Variants in DOCK4 observed in about 807,000 individuals in gnomAD.
DOCK4 encodes dedicator of cytokinesis 4, also known as dedicator of cytokinesis protein 4.
DOCK4 carries 97 observed loss-of-function variants against 268.1 expected under a neutral mutation model. The ratio of observed to expected loss-of-function variants is 0.36; its 90% CI spans 0.31 to 0.43. DOCK4 has a LOEUF of 0.43. DOCK4 is among the 20% of genes least tolerant of loss of function. The pLI is 1.00. For synonymous variants in DOCK4, 954 were observed against 887.2 expected, an observed-to-expected ratio of 1.08 and a Z score of -1.34; for missense variants, 2,145 against 2,455.7, an observed-to-expected ratio of 0.87 and a Z score of 2.67.
intron 12 of DOCK4, among the ~76,000 whole-genome samples, chr7:111,932,632 T>C (rs1257065701): frequency 6.6e-6 from 1 of 152,150 alleles, no homozygotes; most frequent in Non-Finnish European, 1.5e-5. Flanking sequence ...AAAAATTTAA[T>C]AGCATACATT....
chr7:111,913,441 G>T (rs1265512629), intron 13 of DOCK4, among the ~76,000 whole-genome samples: 3 of 138,768 alleles, frequency 2.2e-5, no homozygotes, highest in East Asian at 4.3e-4. Flanking sequence ...ACAGAGTCTC[G>T]CTCTGTCGCC....
chr7:111,799,646 A>G (rs949781350), intron 30 of DOCK4, among the ~76,000 whole-genome samples: 1 of 152,240 alleles, frequency 6.6e-6, no homozygotes, highest in East Asian at 1.9e-4. Context: ...ATCTTAAGCT[A>G]AAACTCATAA....
chr7:111,731,811 A>G (rs914849761), intron 52 of DOCK4, among the ~76,000 whole-genome samples: 2 of 152,164 alleles, frequency 1.3e-5, no homozygotes, highest in African/African-American at 4.8e-5. Flanking sequence ...TAAAGGCAAA[A>G]AGACACAGAA....
chr7:111,937,527 T>C (rs1464549648), intron 11 of DOCK4, among the ~76,000 whole-genome samples: 1 of 152,222 alleles, frequency 6.6e-6, no homozygotes, highest in African/African-American at 2.4e-5. Context: ...TAGGTCTTAT[T>C]CCGCTGGCTG....
At position 111,732,207 on chromosome 7, in the gene DOCK4, T is replaced by A. The variant is rs370184223; in HGVS notation, c.5481+19A>T. On this transcript the variant is annotated intron_variant, in intron 52 of 52. Transcript: ENST00000428084. ...AAACTGGGCCAGTCTCTAGCCTCAGTCGAAAGAAGGGCCTTTACCTTCAAT... is the reference window on the plus strand; with the variant it reads ...AAACTGGGCCAGTCTCTAGCCTCAGACGAAAGAAGGGCCTTTACCTTCAAT... 6 of 1,613,248 alleles carry A rather than the reference T, an allele frequency of 3.7e-6. No homozygotes were observed. In the African/African-American group the frequency reaches 6.7e-5, roughly 18 times the overall value.
At position 111,893,397 on chromosome 7, in the gene DOCK4, C is replaced by T. The variant is rs533564731; in HGVS notation, c.1587+2215G>A. 3.3e-5 allele frequency among the ~76,000 whole-genome samples: 5 copies of T among 152,286 alleles called. No individual in the cohort carries two copies. In the South Asian group the frequency reaches 1.0e-3, roughly 32 times the overall value. On this transcript the variant is annotated intron_variant, in intron 16 of 52. Transcript: ENST00000428084. ...CCCTCAGACCCATAGGTGACAGGGT[C>T]CAGATGGGATATACTATGTAGAAGT...
intron 1 of DOCK4, among the ~76,000 whole-genome samples, chr7:112,016,981 G>A (rs1801861868): frequency 6.6e-6 from 1 of 152,140 alleles, no homozygotes; most frequent in Non-Finnish European, 1.5e-5. Context: ...AGGAAAATTC[G>A]ATGGGTCCTA....
At chr7:112,015,222 T>G (rs558574351) in intron 1 of DOCK4, among the ~76,000 whole-genome samples, 149 of 152,306 alleles carry the variant, frequency 9.8e-4, no homozygotes, top group Non-Finnish European at 1.5e-3. Flanking sequence ...TGCATTAGCA[T>G]GCTAAAACAC....
intron 11 of DOCK4, among the ~76,000 whole-genome samples, chr7:111,936,277 A>G (rs1794728539): frequency 2.0e-5 from 3 of 152,176 alleles, no homozygotes; most frequent in Non-Finnish European, 4.4e-5. Flanking sequence ...GATCTTCCAC[A>G]TGGGGCATCT....
chr7:112,003,186 G>A (rs1046205841), intron 2 of DOCK4, among the ~76,000 whole-genome samples: 2 of 152,068 alleles, frequency 1.3e-5, no homozygotes, highest in Admixed American at 1.3e-4. Flanking sequence ...TTTGAGACGA[G>A]CATGGGCAAT....
intron 28 of DOCK4, 56 bp from the exon 29 acceptor site, chr7:111,809,457 G>T: frequency 7.1e-7 from 1 of 1,413,754 alleles, no homozygotes; most frequent in Non-Finnish European, 9.8e-7. Context: ...ATTGACAGGT[G>T]AAGTGACATA....
chr7:112,130,869 G>T (rs958087426), intron 1 of DOCK4, among the ~76,000 whole-genome samples: 1 of 152,178 alleles, frequency 6.6e-6, no homozygotes, highest in African/African-American at 2.4e-5. Context: ...TTGAATTTGC[G>T]TGGGCAGTAA....
chr7:111,985,984 CCTT>C (rs1799023527), intron 6 of DOCK4, among the ~76,000 whole-genome samples: 1 of 152,158 alleles, frequency 6.6e-6, no homozygotes, highest in Non-Finnish European at 1.5e-5. Context: ...ACTCATAGCT[CCTT>C]CTATGAGAAG....
chr7:112,043,119 T>A (rs1804536008), intron 1 of DOCK4, among the ~76,000 whole-genome samples: 1 of 152,088 alleles, frequency 6.6e-6, no homozygotes, highest in African/African-American at 2.4e-5. Context: ...GGTATTCTGT[T>A]ATAGCAACAG....
At chr7:111,972,973 CTA>C (rs1797844639) in intron 8 of DOCK4, among the ~76,000 whole-genome samples, 1 of 151,632 alleles carries the variant, frequency 6.6e-6, no homozygotes, top group South Asian at 2.1e-4. Flanking sequence ...TTCATAAAGT[CTA>C]TCGTATCATT....
At chr7:111,970,665 G>A (rs1169096053) in intron 8 of DOCK4, among the ~76,000 whole-genome samples, 2 of 152,140 alleles carry the variant, frequency 1.3e-5, no homozygotes, top group African/African-American at 4.8e-5. Flanking sequence ...CTTTTATAGA[G>A]AGAAATTGTG....
At chr7:111,858,812 T>C (rs1344867759) in intron 23 of DOCK4, among the ~76,000 whole-genome samples, 1 of 151,744 alleles carries the variant, frequency 6.6e-6, no homozygotes, top group Non-Finnish European at 1.5e-5. Flanking sequence ...TTCCCTCCCT[T>C]CCTTCCTTCC....
chr7:111,903,638 T>A (rs887130547), intron 13 of DOCK4, among the ~76,000 whole-genome samples: 3 of 152,224 alleles, frequency 2.0e-5, no homozygotes, highest in African/African-American at 7.2e-5. Context: ...AATTCCATTA[T>A]AGAATCAACA....
At chr7:111,807,781 A>C (rs541553621) in intron 30 of DOCK4, 1 of 151,502 alleles carries the variant, frequency 6.6e-6, no homozygotes, top group East Asian at 1.9e-4. Context: ...CAGCTTCATT[A>C]TTTTTTTTTA....
Sources: gnomAD v4.1 joint callset for allele counts (sites outside exome capture counted in the v4.1 genomes callset) on GRCh38, gnomAD v4.1.1 for gene constraint, MANE v1.5 for transcripts, NCBI Gene and HGNC (gene_info 2026-07-23, HGNC 2026-07-21) for gene names.